SASS6: variants seen among roughly 807,000 people sequenced by gnomAD.
SASS6 encodes spindle assembly abnormal protein 6 homolog.
SASS6 carries 59 observed loss-of-function variants against 94.9 expected under a neutral mutation model. The observed-to-expected ratio is 0.62, with a 90% CI of 0.50 to 0.77. The LOEUF (loss-of-function observed/expected upper bound fraction) is 0.77, where lower values mean the gene tolerates loss of function less well. SASS6 is among the 30% of genes least tolerant of loss of function. The probability of loss-of-function intolerance (pLI) is 0.00; values close to 1 mark genes in which losing one functional copy is unlikely to be tolerated. For synonymous variants in SASS6, 264 were observed against 270.0 expected (o/e 0.98, Z 0.22); for missense variants, 698 against 734.1 (o/e 0.95, Z 0.57).
intron 7 of SASS6, among the ~76,000 whole-genome samples, chr1:100,111,758 A>G (rs1380831367): frequency 6.6e-6 from 1 of 152,090 alleles, no homozygotes; most frequent in Non-Finnish European, 1.5e-5. Context: ...AAGGAGCAAA[A>G]AGAGATAAAA....
At chr1:100,111,741 AGAG>A (rs1213847341) in intron 7 of SASS6, among the ~76,000 whole-genome samples, 1 of 152,096 alleles carries the variant, frequency 6.6e-6, no homozygotes, top group Non-Finnish European at 1.5e-5. Context: ...GCTGAAAAGG[AGAG>A]GAGAAGGAGC....
intron 14 of SASS6, among the ~76,000 whole-genome samples, chr1:100,097,860 C>T (rs185225165): frequency 1.7e-4 from 26 of 152,002 alleles, no homozygotes; most frequent in African/African-American, 5.3e-4. Flanking sequence ...CACAAAAAAA[C>T]TACATGTTGT....
intron 8 of SASS6, among the ~76,000 whole-genome samples, chr1:100,109,696 C>T (rs1298309107): frequency 6.6e-6 from 1 of 151,920 alleles, no homozygotes; most frequent in East Asian, 1.9e-4. Context: ...CTTGTTCTTC[C>T]ACTCCTTGAC....
chr1:100,110,828 T>G (rs1653267213), intron 7 of SASS6, among the ~76,000 whole-genome samples: 1 of 151,944 alleles, frequency 6.6e-6, no homozygotes, highest in Non-Finnish European at 1.5e-5. Flanking sequence ...GTATACAGGA[T>G]GAACCTACTT....
chr1:100,089,386 C>T (rs1651524254), intron 14 of SASS6, among the ~76,000 whole-genome samples: 1 of 151,904 alleles, frequency 6.6e-6, no homozygotes, highest in African/African-American at 2.4e-5. Context: ...ACTACAAACC[C>T]ACCTATTTAA....
intron 14 of SASS6, among the ~76,000 whole-genome samples, chr1:100,097,630 C>T (rs514090): frequency 1.3e-5 from 2 of 151,664 alleles, no homozygotes; most frequent in African/African-American, 4.9e-5. Flanking sequence ...TTCGAAATCA[C>T]CCTGAGCAAC....
In SASS6 at chr1:100,105,748, A is replaced by G. The variant is rs770520935; in HGVS notation, c.1545+19T>C. 6.2e-7 allele frequency: 1 copy of G among 1,604,400 alleles called. No individual in the cohort carries two copies. Among genetic ancestry groups the G allele is most frequent in the South Asian group, 1.1e-5 (1 of 89,144 alleles). ...CAGGAAATTCACTAAGATCACTCAC[A>G]TCTTGTTTTAAATCTTACCACATTC... On this transcript the variant is annotated intron_variant, in intron 13 of 16. Coordinates refer to ENST00000287482, the MANE Select transcript of SASS6 (RefSeq NM_194292.3).
In SASS6 at chr1:100,108,117, A is replaced by G. The variant is rs116119024; in HGVS notation, c.862-113T>C. On this transcript the variant is annotated intron_variant, in intron 8 of 16. Coordinates refer to ENST00000287482, the MANE Select transcript of SASS6 (RefSeq NM_194292.3). ...AAAAAAAAGTCTTTAATAATTTTAA[A>G]GTTTTAGTACAGATTTTTTTTTAAA... 3.7e-3 allele frequency: 2,182 copies of G among 584,560 alleles called. 40 individuals are homozygous for G. In the African/African-American group the frequency reaches 0.039, roughly 10 times the overall value. 36.2% of individuals were successfully genotyped at this position (584,560 alleles called of 1,614,324 possible). A position where few individuals can be genotyped will look rare whatever the true frequency, so the allele number is the denominator to read the frequency against.
chr1:100,119,437 A>G (rs1404304803), intron 6 of SASS6, among the ~76,000 whole-genome samples: 1 of 152,242 alleles, frequency 6.6e-6, no homozygotes, highest in African/African-American at 2.4e-5. Flanking sequence ...CAAGTCGATT[A>G]TAAGGAATAG....
intron 4 of SASS6, 53 bp from the exon 5 acceptor site, chr1:100,121,602 C>T: frequency 1.0e-6 from 1 of 999,930 alleles, no homozygotes; most frequent in Non-Finnish European, 1.5e-6. Context: ...GTGAAAATCT[C>T]TCACTGAATC....
intron 2 of SASS6, among the ~76,000 whole-genome samples, chr1:100,125,540 G>A (rs937566964): frequency 1.1e-4 from 17 of 151,178 alleles, no homozygotes; most frequent in Admixed American, 8.6e-4. Context: ...TTAGCTGGGC[G>A]TGGTGGTGCA....
In SASS6 at chr1:100,107,970, A is replaced by G; in HGVS notation, c.896T>C (p.Leu299Ser). ...ATCTAGTGTAGAATTCTCTCTTCGCAAAGAGAGGACTTCTTGCTTAGTCCG... is the reference window on the plus strand; with the variant it reads ...ATCTAGTGTAGAATTCTCTCTTCGCGAAGAGAGGACTTCTTGCTTAGTCCG... ...LQRTKQEVLS[L>S]RRENSTLDVE... Residue 299 changes from leucine to serine, a missense_variant, in exon 9 of 17, where the codon TTG (leucine) becomes TCG (serine). Transcript: ENST00000287482. The G allele has an allele frequency of 1.2e-6, 2 of 1,611,454 alleles. No homozygotes were observed. The highest frequency in any genetic ancestry group is 8.5e-7 in the Non-Finnish European group (1 of 1,178,336).
intron 12 of SASS6, 120 bp from the exon 13 acceptor site, chr1:100,106,023 A>C: frequency 6.2e-6 from 4 of 644,540 alleles, no homozygotes; most frequent in Middle Eastern, 4.5e-4. Context: ...ACTACCTGAC[A>C]TCACAGGAGA....
chr1:100,109,374 A>C (rs896463860), intron 8 of SASS6, among the ~76,000 whole-genome samples: 21 of 152,068 alleles, frequency 1.4e-4, no homozygotes, highest in African/African-American at 5.1e-4. Context: ...AAATCTACAT[A>C]TATTTTCTAA....
chr1:100,101,386 GATAC>G (rs1200840460), intron 14 of SASS6, among the ~76,000 whole-genome samples: 1 of 150,934 alleles, frequency 6.6e-6, no homozygotes, highest in Non-Finnish European at 1.5e-5. Context: ...GGAGATCACC[GATAC>G]AGGAAACACT....
At chr1:100,108,431 C>G (rs1280265346) in intron 8 of SASS6, among the ~76,000 whole-genome samples, 1 of 152,080 alleles carries the variant, frequency 6.6e-6, no homozygotes, top group Non-Finnish European at 1.5e-5. Flanking sequence ...ACCTTCTTCA[C>G]GTATTACAAA....
chr1:100,107,368 A>G lies in SASS6; in HGVS notation c.1326+6T>C, dbSNP rs1243041232. On this transcript the variant is annotated splice_donor_region_variant and intron_variant, in intron 11 of 16. Coordinates refer to ENST00000287482, the MANE Select transcript of SASS6 (RefSeq NM_194292.3). Reference sequence around the variant, plus strand: ...TTACAACATAAAAATTTAAAATATTAACTACCTCTTGCTCTTTAATTCGAA... The same window carrying G: ...TTACAACATAAAAATTTAAAATATTGACTACCTCTTGCTCTTTAATTCGAA... 6.5e-7 allele frequency: 1 copy of G among 1,546,166 alleles called. No individual in the cohort carries two copies. Among genetic ancestry groups the G allele is most frequent in the Admixed American group, 2.0e-5 (1 of 49,074 alleles).
Position 100,085,553 on chromosome 1 carries a change from T to C in SASS6, c.1850A>G (p.Asn617Ser), listed in dbSNP as rs1464647113. 1.2e-6 allele frequency: 2 copies of C among 1,612,526 alleles called. 1 individual carries two copies. The highest frequency in any genetic ancestry group is 2.2e-5 in the South Asian group (2 of 91,008). ...CTGCTTACCTGAATTACTAAATAGG[T>C]TCTGGCTGAGTCCGCGTAAAGGAAT... is the stretch of plus-strand genomic sequence containing the variant. ...DSIPLRGLSQNLFSNSDHQRD... is the reference protein window; with the variant it reads ...DSIPLRGLSQSLFSNSDHQRD... The change falls in exon 16 of 17, where the codon AAC (asparagine) becomes AGC (serine). Residue 617 changes from asparagine to serine, a missense_variant. Coordinates refer to ENST00000287482, the MANE Select transcript of SASS6 (RefSeq NM_194292.3).
intron 3 of SASS6, 23 bp from the exon 4 acceptor site, chr1:100,122,507 AATT>A: frequency 9.8e-7 from 1 of 1,024,224 alleles, no homozygotes; most frequent in Non-Finnish European, 1.5e-6. Context: ...AAGGAAAAGA[AATT>A]TTTTAAAAAT....
Sources: allele counts gnomAD v4.1 joint callset (sites outside exome capture counted in the v4.1 genomes callset), GRCh38; gene constraint gnomAD v4.1.1; transcripts MANE v1.5; gene names NCBI Gene and HGNC (gene_info 2026-07-23, HGNC 2026-07-21).